Variants in ARFGEF3 observed in about 807,000 individuals in gnomAD.
ARFGEF3 encodes brefeldin A-inhibited guanine nucleotide-exchange protein 3.
ARFGEF3 carries 96 observed loss-of-function variants against 221.7 expected under a neutral mutation model. The ratio of observed to expected loss-of-function variants is 0.43; its 90% CI spans 0.37 to 0.51. The LOEUF is 0.51. ARFGEF3 is among the 20% of genes least tolerant of loss of function. The pLI, the probability that ARFGEF3 is intolerant of heterozygous loss-of-function variation, is 0.00. For synonymous variants in ARFGEF3, 1,145 were observed against 1,126.8 expected (o/e 1.02, Z -0.32); for missense variants, 2,410 against 2,789.9 (o/e 0.86, Z 3.07).
rs1286436988 is a variant in ARFGEF3 at position 138,343,312 on chromosome 6, A to G, written c.*6826A>G. On this transcript the variant is annotated 3_prime_UTR_variant, in exon 34 of 34. Transcript: ENST00000251691. ...TCTGCTTAATAAATATGCTGACTTCATTTAAATTAGTTTAGACTATTGTAG... is the reference window on the plus strand; with the variant it reads ...TCTGCTTAATAAATATGCTGACTTCGTTTAAATTAGTTTAGACTATTGTAG... The G allele has an allele frequency of 2.6e-5, 4 of 152,338 alleles. No individual in the cohort carries two copies. Among genetic ancestry groups the G allele is most frequent in the African/African-American group, 9.6e-5 (4 of 41,584 alleles). The allele number at this position is 152,338 out of a possible 1,614,324, so 9.4% of individuals were successfully genotyped here. A position where few individuals can be genotyped will look rare whatever the true frequency, so the allele number is the denominator to read the frequency against.
At chr6:138,217,681 G>A (rs571444916) in intron 4 of ARFGEF3, 14 of 265,160 alleles carry the variant, frequency 5.3e-5, no homozygotes, top group East Asian at 4.7e-4. Flanking sequence ...CTAATTGCTC[G>A]TTAGTTTAGT....
intron 4 of ARFGEF3, among the ~76,000 whole-genome samples, chr6:138,227,280 C>T (rs945607380): frequency 6.6e-6 from 1 of 152,132 alleles, no homozygotes; most frequent in African/African-American, 2.4e-5. Context: ...ATCTTGATTA[C>T]CAATACTGCT....
In ARFGEF3 at chr6:138,245,884, G is replaced by T. The variant is rs879877513; in HGVS notation, c.665+293G>T. 3.3e-5 allele frequency among the ~76,000 whole-genome samples: 5 copies of T among 152,080 alleles called. 1 individual carries two copies. In the East Asian group the frequency reaches 9.6e-4, roughly 29 times the overall value. On this transcript the variant is annotated intron_variant, in intron 8 of 33. Transcript: ENST00000251691. ...ATGAAGCTGAGTGGGAAGAATCCTG[G>T]GCTGAGTGCTGGTTGGTATGAGAGC...
chr6:138,207,675 T>G (rs1206618906), intron 3 of ARFGEF3, among the ~76,000 whole-genome samples: 1 of 152,240 alleles, frequency 6.6e-6, no homozygotes, highest in Non-Finnish European at 1.5e-5. Context: ...CCAAACATAA[T>G]GGATCTAATT....
chr6:138,261,666 T>G (rs1281488483), intron 11 of ARFGEF3, 27 bp downstream of exon 11: 2 of 1,354,242 alleles, frequency 1.5e-6, no homozygotes, highest in African/African-American at 2.9e-5. Flanking sequence ...TTTAAGTCTT[T>G]ATTGAGGCTG....
chr6:138,220,001 CTCTTT>C (rs529068002), intron 4 of ARFGEF3, among the ~76,000 whole-genome samples: 130 of 151,818 alleles, frequency 8.6e-4, no homozygotes, highest in Middle Eastern at 3.4e-3. Context: ...CTTTTATCTT[CTCTTT>C]TCTTTTCCTT....
chr6:138,175,138 T>A (rs144334850), intron 2 of ARFGEF3, among the ~76,000 whole-genome samples: 1 of 152,244 alleles, frequency 6.6e-6, no homozygotes, highest in African/African-American at 2.4e-5. Context: ...CTCACTCTTA[T>A]TGTTGATGTG....
intron 24 of ARFGEF3, 112 bp from the exon 25 acceptor site, chr6:138,311,295 C>T: frequency 3.1e-6 from 2 of 648,696 alleles, no homozygotes; most frequent in South Asian, 2.0e-5. Context: ...TTCTCCCACT[C>T]TCTTTTAATA....
At chr6:138,244,487 T>A (rs1288107962) in intron 7 of ARFGEF3, among the ~76,000 whole-genome samples, 1 of 152,234 alleles carries the variant, frequency 6.6e-6, no homozygotes, top group African/African-American at 2.4e-5. Context: ...AAACTGAAGT[T>A]TGCCCAAGCT....
chr6:138,289,149 C>G (rs556886688), intron 17 of ARFGEF3, among the ~76,000 whole-genome samples: 1 of 152,266 alleles, frequency 6.6e-6, no homozygotes, highest in South Asian at 2.1e-4. Context: ...GACAGAGTTT[C>G]TCCATGTTGT....
chr6:138,287,093 C>T lies in ARFGEF3; in HGVS notation c.2805C>T (p.Ala935=), dbSNP rs1376359828. Reference sequence around the variant, plus strand: ...CTGAAGGCGTTGCTGCTAACTGCGCCTCAGCCCTTGCCCAGATGGCAGCTG... The same window carrying T: ...CTGAAGGCGTTGCTGCTAACTGCGCTTCAGCCCTTGCCCAGATGGCAGCTG... ...SCALGVAANC[A]SALAQMAAAS... Residue 935 remains alanine, a synonymous_variant, in exon 17 of 34, where the codon GCC becomes GCT. Coordinates refer to ENST00000251691, the MANE Select transcript of ARFGEF3 (RefSeq NM_020340.5). 1.9e-6 allele frequency: 3 copies of T among 1,575,024 alleles called. No homozygotes were observed. The highest frequency in any genetic ancestry group is 1.4e-5 in the African/African-American group (1 of 74,014).
At chr6:138,232,111 A>C (rs1778203564) in intron 5 of ARFGEF3, among the ~76,000 whole-genome samples, 1 of 152,206 alleles carries the variant, frequency 6.6e-6, no homozygotes, top group African/African-American at 2.4e-5. Context: ...ATTTCTGTTA[A>C]TATTAACCCC....
chr6:138,226,245 C>T (rs1220731226), intron 4 of ARFGEF3, among the ~76,000 whole-genome samples: 1 of 152,194 alleles, frequency 6.6e-6, no homozygotes, highest in African/African-American at 2.4e-5. Context: ...ATCCCTCTCT[C>T]ATATTAACGT....
intron 20 of ARFGEF3, among the ~76,000 whole-genome samples, chr6:138,295,377 T>G: frequency 6.6e-6 from 1 of 151,708 alleles, no homozygotes; most frequent in Non-Finnish European, 1.5e-5. Context: ...CCCAGCACTT[T>G]AGGAGGCCGA....
chr6:138,202,696 A>AC (rs143313608), intron 2 of ARFGEF3, among the ~76,000 whole-genome samples: 9 of 150,712 alleles, frequency 6.0e-5, no homozygotes, highest in African/African-American at 2.0e-4. Flanking sequence ...AAAAAAAAAA[A>AC]CCCTGTTTTT....
chr6:138,194,453 G>A (rs762284503), intron 2 of ARFGEF3, among the ~76,000 whole-genome samples: 4 of 152,118 alleles, frequency 2.6e-5, no homozygotes, highest in African/African-American at 4.8e-5. Context: ...GCCAGCTGGA[G>A]CATTTTCATC....
chr6:138,334,998 GA>G lies in ARFGEF3; in HGVS notation c.6153del (p.Glu2052SerfsTer19). The G allele has an allele frequency of 6.3e-7, 1 of 1,586,228 alleles. No individual in the cohort carries two copies. The highest frequency in any genetic ancestry group is 8.6e-7 in the Non-Finnish European group (1 of 1,167,008). On this transcript the variant is annotated frameshift_variant, in exon 33 of 34. Coordinates refer to ENST00000251691, the MANE Select transcript of ARFGEF3 (RefSeq NM_020340.5). LOFTEE classifies it high-confidence loss of function. This position sits in a 1 kb window ranked among gnomAD's most constrained non-coding sequence, Gnocchi z 5.1. ...AAAGAGGTCAAAGTGGAGAAGAAAG[GA>G]GAGCCACTGGGTCCCAGGGGCCAGG... ...FPKEVKVEKK[G>X]EPLGPRGQDS...
chr6:138,286,994 G>C, intron 16 of ARFGEF3, 78 bp downstream of exon 16: 3 of 1,574,230 alleles, frequency 1.9e-6, no homozygotes, highest in South Asian at 1.1e-5. Flanking sequence ...GGGGCAGGGG[G>C]ACCCTTTAGA....
intron 11 of ARFGEF3, among the ~76,000 whole-genome samples, 154 bp from the exon 12 acceptor site, chr6:138,262,547 C>T (rs906948718): frequency 2.0e-5 from 3 of 152,196 alleles, no homozygotes; most frequent in Non-Finnish European, 2.9e-5. Context: ...ATGTTTGTTT[C>T]TTTTATTCAT....
Sources: gnomAD v4.1 joint callset for allele counts (sites outside exome capture counted in the v4.1 genomes callset) on GRCh38, gnomAD v4.1.1 for gene constraint, Gnocchi (gnomAD v3.1) non-coding constraint, MANE v1.5 for transcripts, NCBI Gene and HGNC (gene_info 2026-07-23, HGNC 2026-07-21) for gene names.